Variants in EDA observed in about 807,000 individuals in gnomAD.
EDA encodes ectodysplasin-A.
EDA carries 2 observed loss-of-function variants against 23.6 expected under a neutral mutation model. That is an observed-to-expected ratio of 0.08 (90% CI 0.03 to 0.27). EDA has a LOEUF of 0.27. Ranked by LOEUF, EDA falls within the 10% of genes least tolerant of loss-of-function variation. The pLI is 1.00. For synonymous variants in EDA, 131 were observed against 132.0 expected, an observed-to-expected ratio of 0.99 and a Z score of 0.05; for missense variants, 229 against 324.2, an observed-to-expected ratio of 0.71 and a Z score of 2.26.
At chrX:69,702,283 C>G (rs1045493087) in intron 1 of EDA, among the ~76,000 whole-genome samples, 2 of 109,966 alleles carry the variant, frequency 1.8e-5, no homozygotes, top group East Asian at 5.7e-4. Flanking sequence ...TGGTTCTTGC[C>G]GAGGGTTTGA....
At chrX:69,655,553 G>A (rs1054750063) in intron 1 of EDA, among the ~76,000 whole-genome samples, 4 of 106,832 alleles carry the variant, frequency 3.7e-5, no homozygotes, top group East Asian at 3.0e-4. Flanking sequence ...TAGAAGCTAG[G>A]TCTTCAGATC....
intron 2 of EDA, among the ~76,000 whole-genome samples, chrX:70,021,205 C>T (rs2020029119): frequency 2.7e-5 from 3 of 111,851 alleles, no homozygotes; most frequent in Admixed American, 9.5e-5. Context: ...TTGTGAGTTG[C>T]GTTTCATTAT....
At chrX:69,738,143 C>G (rs1422895660) in intron 1 of EDA, among the ~76,000 whole-genome samples, 2 of 110,727 alleles carry the variant, frequency 1.8e-5, no homozygotes, top group Non-Finnish European at 3.8e-5. Context: ...ATAATTTCTT[C>G]AAATTATTTT....
chrX:69,949,848 C>T (rs769260251), intron 1 of EDA, among the ~76,000 whole-genome samples: 115 of 111,727 alleles, frequency 1.0e-3, no homozygotes, highest in African/African-American at 2.4e-3. Flanking sequence ...AGTGGCTTTA[C>T]GCTATTTAAT....
At chrX:69,948,907 T>C in intron 1 of EDA, among the ~76,000 whole-genome samples, 1 of 111,858 alleles carries the variant, frequency 8.9e-6, no homozygotes, top group Non-Finnish European at 1.9e-5. Context: ...AATCATTTTA[T>C]ATCTATGACA....
intron 2 of EDA, among the ~76,000 whole-genome samples, chrX:70,005,656 G>C (rs933066552): frequency 5.5e-5 from 6 of 109,255 alleles, no homozygotes; most frequent in African/African-American, 2.0e-4. Context: ...ACTTCAAGCA[G>C]AGGGAATGGC....
chrX:69,963,656 G>T (rs2019135475), intron 2 of EDA, among the ~76,000 whole-genome samples: 1 of 111,437 alleles, frequency 9.0e-6, no homozygotes, highest in Non-Finnish European at 1.9e-5. Flanking sequence ...GATGGAACTA[G>T]CCCTGCAGTA....
At chrX:69,720,951 C>T (rs5936739) in intron 1 of EDA, among the ~76,000 whole-genome samples, 2,054 of 111,610 alleles carry the variant, frequency 0.018, 18 homozygotes, top group Non-Finnish European at 0.025. Context: ...GATGTTTTGT[C>T]TATCATGTTA....
At chrX:69,824,252 G>A (rs1414524724) in intron 1 of EDA, among the ~76,000 whole-genome samples, 1 of 110,839 alleles carries the variant, frequency 9.0e-6, no homozygotes, top group Non-Finnish European at 1.9e-5. Context: ...TTGGTAGCTT[G>A]ATGGGGATTG....
chrX:69,954,860 CCCA>C (rs2018977099), intron 1 of EDA, among the ~76,000 whole-genome samples: 1 of 111,681 alleles, frequency 9.0e-6, no homozygotes. Context: ...GTGTGTTGTC[CCCA>C]CCATGTGTCC....
At chrX:69,658,432 A>C (rs1171331495) in intron 1 of EDA, among the ~76,000 whole-genome samples, 3 of 110,961 alleles carry the variant, frequency 2.7e-5, no homozygotes, top group Non-Finnish European at 5.7e-5. Context: ...TATTGTCAGC[A>C]ACAAGAGATA....
At chrX:69,859,198 A>G (rs2017324646) in intron 1 of EDA, among the ~76,000 whole-genome samples, 1 of 110,716 alleles carries the variant, frequency 9.0e-6, no homozygotes, top group Non-Finnish European at 1.9e-5. Flanking sequence ...AGATTCATTA[A>G]TCTTTTAAAT....
chrX:69,785,109 A>T (rs1164941901), intron 1 of EDA, among the ~76,000 whole-genome samples: 1 of 103,547 alleles, frequency 9.7e-6, no homozygotes, highest in Non-Finnish European at 2.0e-5. Flanking sequence ...TTGTTGGTGT[A>T]TAAGAATGCT....
At chrX:69,636,967 A>AT (rs1361044872) in intron 1 of EDA, among the ~76,000 whole-genome samples, 3 of 110,671 alleles carry the variant, frequency 2.7e-5, no homozygotes, top group Non-Finnish European at 5.7e-5. Context: ...TTCAACCGCA[A>AT]TTTTTTTAGC....
At chrX:69,900,758 TGTG>T (rs1298387321) in intron 1 of EDA, among the ~76,000 whole-genome samples, 3 of 111,405 alleles carry the variant, frequency 2.7e-5, no homozygotes, top group Non-Finnish European at 5.7e-5. Flanking sequence ...TTTGGTATGG[TGTG>T]GTGAAATGAG....
Position 69,699,966 on chromosome X carries a change from T to A in EDA, c.396+83262T>A, listed in dbSNP as rs765231400. On this transcript the variant is annotated intron_variant, in intron 1 of 7. Transcript: ENST00000374552. ...TCCTAGAAAAGAGATAATTTCTTGCTTAGTTTGCAGAGGCAGGAGGGACTA... is the reference window on the plus strand; with the variant it reads ...TCCTAGAAAAGAGATAATTTCTTGCATAGTTTGCAGAGGCAGGAGGGACTA... 2.7e-5 allele frequency among the ~76,000 whole-genome samples: 3 copies of A among 110,745 alleles called. No individual in the cohort carries two copies. The East Asian group carries it at 8.6e-4, about 32-fold the overall frequency.
At chrX:69,699,583 G>A (rs982980640) in intron 1 of EDA, among the ~76,000 whole-genome samples, 2 of 111,631 alleles carry the variant, frequency 1.8e-5, no homozygotes, top group Non-Finnish European at 1.9e-5. Context: ...TGCAGCTGCC[G>A]CTGATGCTTG....
intron 1 of EDA, among the ~76,000 whole-genome samples, chrX:69,691,588 G>A (rs1223507308): frequency 9.0e-6 from 1 of 111,416 alleles, no homozygotes; most frequent in African/African-American, 3.2e-5. Context: ...AAGCACAGCT[G>A]GGATTGTATA....
chrX:69,702,653 T>C (rs2011567847), intron 1 of EDA, among the ~76,000 whole-genome samples: 1 of 109,280 alleles, frequency 9.2e-6, no homozygotes, highest in African/African-American at 3.3e-5. Context: ...AAAAAGAGGT[T>C]GGGCTGGGAG....
Sources: allele counts gnomAD v4.1 joint callset (sites outside exome capture counted in the v4.1 genomes callset), GRCh38; gene constraint gnomAD v4.1.1; transcripts MANE v1.5; gene names NCBI Gene and HGNC (gene_info 2026-07-23, HGNC 2026-07-21).